The following BPTF variants were observed in gnomAD, a reference collection of about 807,000 sequenced individuals.
BPTF encodes the protein nucleosome-remodeling factor subunit BPTF.
Under a neutral mutation model 292.5 loss-of-function variants are expected in BPTF, and 18 were observed. The ratio of observed to expected loss-of-function variants is 0.06; its 90% CI spans 0.04 to 0.09. BPTF has a LOEUF of 0.09. Ranked by LOEUF, BPTF falls within the 10% of genes least tolerant of loss-of-function variation. The probability of loss-of-function intolerance (pLI) is 1.00; values close to 1 mark genes in which losing one functional copy is unlikely to be tolerated. For missense variants in BPTF, 2,726 were observed against 3,498.7 expected (o/e 0.78, Z 5.57); for synonymous variants, 1,225 against 1,251.9 (o/e 0.98, Z 0.45).
chr17:67,896,218 T>TC (rs2061442875), intron 7 of BPTF, among the ~76,000 whole-genome samples: 1 of 152,186 alleles, frequency 6.6e-6, no homozygotes, highest in Admixed American at 6.5e-5. Context: ...CGCCTTGGCC[T>TC]CCCAAAGTGC....
chr17:67,826,183 G>A lies in BPTF; in HGVS notation c.459G>A (p.Glu153=). Residue 153 remains glutamate (E), a synonymous_variant, in exon 1 of 28, where the codon GAG becomes GAA. Transcript: ENST00000306378. The part of the protein sequence containing the change: ...EEEEEEDGDA[E]ETQDSEDDEE... ...AGGAGGAGGAGGACGGCGACGCCGA[G>A]GAGACCCAGGATTCTGAGGACGACG... 6.2e-7 allele frequency: 1 copy of A among 1,604,796 alleles called. No individual in the cohort carries two copies. The highest frequency in any genetic ancestry group is 8.5e-7 in the Non-Finnish European group (1 of 1,171,574).
intron 26 of BPTF, among the ~76,000 whole-genome samples, chr17:67,970,311 A>G (rs185544693): frequency 7.0e-4 from 106 of 152,114 alleles, no homozygotes; most frequent in Admixed American, 5.6e-3. Flanking sequence ...AGGCAGGACG[A>G]TCACTTCAGC....
At chr17:67,849,896 G>A (rs8082411) in intron 1 of BPTF, among the ~76,000 whole-genome samples, 3,070 of 152,008 alleles carry the variant, frequency 0.02, 91 homozygotes, top group African/African-American at 0.069. Flanking sequence ...AGCTGAGATC[G>A]TGCCACTGCA....
chr17:67,901,508 G>A (rs2061842231), intron 7 of BPTF, among the ~76,000 whole-genome samples: 1 of 152,128 alleles, frequency 6.6e-6, no homozygotes, highest in Admixed American at 6.6e-5. Flanking sequence ...ATGACAAACC[G>A]AGGAAAAATA....
At chr17:67,903,650 T>C in intron 7 of BPTF, 139 bp from the exon 8 acceptor site, 1 of 693,414 alleles carries the variant, frequency 1.4e-6, no homozygotes, top group Non-Finnish European at 2.2e-6. Context: ...CAACTACAAC[T>C]AAGTTTTGTC....
chr17:67,904,662 T>C (rs1469238300), intron 8 of BPTF, 40 bp from the exon 9 acceptor site: 6 of 1,482,292 alleles, frequency 4.0e-6, no homozygotes, highest in Non-Finnish European at 5.5e-6. Flanking sequence ...TAAGCATTGT[T>C]ATTCTTATTG....
chr17:67,856,372 T>C (rs922214592), intron 2 of BPTF, among the ~76,000 whole-genome samples: 1 of 152,206 alleles, frequency 6.6e-6, no homozygotes, highest in African/African-American at 2.4e-5. Flanking sequence ...CTTACCTTTC[T>C]GAGGCTATTA....
Position 67,929,366 on chromosome 17 carries a change from G to A in BPTF, c.6029G>A (p.Gly2010Asp). Residue 2010 changes from glycine to aspartate, a missense_variant, in exon 17 of 28, where the codon GGT (glycine) becomes GAT (aspartate). Physicochemically the swap from Gly to Asp is moderately conservative, Grantham distance 94 (BLOSUM62 -1). Coordinates refer to ENST00000306378, the MANE Select transcript of BPTF (RefSeq NM_182641.4). ...GTTCAAGTACAGCAGAAAGTCCTGG[G>A]TATCATTCCATCAAGTACAGGTACC... The part of the protein sequence containing the change: ...GVVQVQQKVL[G>D]IIPSSTGTSQ... 1 of 1,613,980 alleles carries A rather than the reference G, an allele frequency of 6.2e-7. No homozygotes were observed. Among genetic ancestry groups the A allele is most frequent in the Non-Finnish European group, 8.5e-7 (1 of 1,179,962 alleles).
intron 4 of BPTF, among the ~76,000 whole-genome samples, chr17:67,890,613 A>G (rs982596068): frequency 2.4e-4 from 37 of 152,222 alleles, no homozygotes; most frequent in African/African-American, 6.3e-4. Flanking sequence ...AAGGGGCAAC[A>G]TACTTGATTT....
At chr17:67,963,084 A>G (rs1555684888) in intron 24 of BPTF, among the ~76,000 whole-genome samples, 1 of 152,130 alleles carries the variant, frequency 6.6e-6, no homozygotes, top group African/African-American at 2.4e-5. Context: ...GTATGTTTTT[A>G]AAGACCCATA....
intron 1 of BPTF, among the ~76,000 whole-genome samples, chr17:67,849,426 C>T (rs890425933): frequency 1.9e-4 from 29 of 152,116 alleles, no homozygotes; most frequent in Admixed American, 1.6e-3. Flanking sequence ...AGTCACTTGT[C>T]GAGTAGCAAG....
intron 1 of BPTF, among the ~76,000 whole-genome samples, chr17:67,828,829 G>C (rs1054483154): frequency 6.6e-6 from 1 of 152,178 alleles, no homozygotes; most frequent in Non-Finnish European, 1.5e-5. Flanking sequence ...TGCCTGGTCT[G>C]ACATTTTGTT....
chr17:67,858,555 C>CAAAA (rs561316267), intron 2 of BPTF, among the ~76,000 whole-genome samples: 2 of 77,918 alleles, frequency 2.6e-5, no homozygotes, highest in Admixed American at 1.3e-4. Context: ...ACTCTGTCTC[C>CAAAA]AAAAAAAAAA....
chr17:67,889,445 A>G (rs959696917), intron 4 of BPTF, among the ~76,000 whole-genome samples: 1 of 152,212 alleles, frequency 6.6e-6, no homozygotes, highest in South Asian at 2.1e-4. Flanking sequence ...TCTAAAAAGT[A>G]TCTATTACAG....
chr17:67,873,359 GGGGCA>G (rs925158805), intron 3 of BPTF, among the ~76,000 whole-genome samples: 4 of 151,842 alleles, frequency 2.6e-5, no homozygotes, highest in Non-Finnish European at 4.4e-5. Context: ...TTGGGAGGCT[GGGGCA>G]GGAGAATTGC....
At chr17:67,966,807 A>G in intron 26 of BPTF, 151 bp downstream of exon 26, 1 of 719,226 alleles carries the variant, frequency 1.4e-6, no homozygotes, top group South Asian at 2.6e-5. Flanking sequence ...AGTATCTATT[A>G]AAGTTTAATT....
At chr17:67,827,521 A>C (rs2056200190) in intron 1 of BPTF, among the ~76,000 whole-genome samples, 1 of 152,208 alleles carries the variant, frequency 6.6e-6, no homozygotes, top group East Asian at 1.9e-4. Context: ...AATTTTGCAA[A>C]TCTAGATTAA....
chr17:67,930,603 A>G (rs2064294458), intron 17 of BPTF, among the ~76,000 whole-genome samples: 1 of 152,128 alleles, frequency 6.6e-6, no homozygotes, highest in African/African-American at 2.4e-5. Flanking sequence ...AATGTTCTGA[A>G]CCTAACTATA....
rs141172973 is a variant in BPTF, at chr17:67,949,312, C to T, written c.7926+1006C>T. ...CCCGGAAAGCAGAGGTTGCAGTGAG[C>T]CTTGATCGCACCACTGCACTCCAGG... is the stretch of plus-strand genomic sequence containing the variant. On this transcript the variant is annotated intron_variant, in intron 23 of 27. Coordinates refer to ENST00000306378, the MANE Select transcript of BPTF (RefSeq NM_182641.4). Among the ~76,000 whole-genome samples, 3 of 152,256 alleles carry T rather than the reference C, an allele frequency of 2.0e-5. No homozygotes were observed. The East Asian group carries it at 5.8e-4, about 29-fold the overall frequency.
Sources: gnomAD v4.1 joint callset for allele counts (sites outside exome capture counted in the v4.1 genomes callset) on GRCh38, gnomAD v4.1.1 for gene constraint, MANE v1.5 for transcripts, NCBI Gene and HGNC (gene_info 2026-07-23, HGNC 2026-07-21) for gene names.